The following URB2 variants were observed in gnomAD, a reference collection of about 807,000 sequenced individuals.
The protein encoded by URB2 is URB2 ribosome biogenesis homolog.
URB2 carries 86 observed loss-of-function variants against 120.9 expected under a neutral mutation model. The observed-to-expected ratio is 0.71, with a 90% CI of 0.60 to 0.85. URB2 has a LOEUF of 0.85. URB2 is among the 40% of genes least tolerant of loss of function. URB2 has a pLI of 0.00. For missense variants in URB2, 1,765 were observed against 1,836.5 expected (o/e 0.96, Z 0.71); for synonymous variants, 755 against 758.4 (o/e 1.00, Z 0.07).
At chr1:229,651,565 T>G (rs1039876846) in intron 8 of URB2, among the ~76,000 whole-genome samples, 1 of 152,140 alleles carries the variant, frequency 6.6e-6, no homozygotes, top group Non-Finnish European at 1.5e-5. Flanking sequence ...AAAAAAAATA[T>G]CAGATTTAGG....
At position 229,651,329 on chromosome 1, in the gene URB2, T is replaced by C; in HGVS notation, c.4237+7T>C. ...GGGCGGCAGAAGGACAAAGGTAATT[T>C]GGAGTAACATCAGACACAGTTTCAA... On this transcript the variant is annotated splice_region_variant and intron_variant, in intron 8 of 9. Transcript: ENST00000258243. The C allele has an allele frequency of 2.5e-6, 4 of 1,609,810 alleles. No homozygotes were observed. Among genetic ancestry groups the C allele is most frequent in the Non-Finnish European group, 2.5e-6 (3 of 1,178,058 alleles).
intron 2 of URB2, among the ~76,000 whole-genome samples, chr1:229,630,417 T>C (rs1157095160): frequency 6.6e-6 from 1 of 152,196 alleles, no homozygotes; most frequent in Non-Finnish European, 1.5e-5. Context: ...GTAATCTTCT[T>C]ATAGGAATCT....
At chr1:229,627,939 A>G (rs369374756) in intron 2 of URB2, among the ~76,000 whole-genome samples, 180 bp downstream of exon 2, 1 of 147,896 alleles carries the variant, frequency 6.8e-6, no homozygotes, top group African/African-American at 2.5e-5. Context: ...TCATTAATAC[A>G]TTTTTTTTTT....
intron 9 of URB2, 30 bp downstream of exon 9, chr1:229,654,418 G>C: frequency 3.1e-6 from 5 of 1,613,984 alleles, no homozygotes; most frequent in Non-Finnish European, 4.2e-6. Context: ...CTTTCACCAA[G>C]TACTGTGTTT....
chr1:229,653,535 T>G (rs1666331679), intron 8 of URB2, among the ~76,000 whole-genome samples: 2 of 152,226 alleles, frequency 1.3e-5, no homozygotes, highest in Non-Finnish European at 2.9e-5. Context: ...AAAATGTGCC[T>G]ACCATTGTGC....
chr1:229,646,084 G>A, intron 6 of URB2, 115 bp downstream of exon 6: 1 of 912,294 alleles, frequency 1.1e-6, no homozygotes, highest in Non-Finnish European at 1.7e-6. Context: ...CGTGTGTGTG[G>A]GCTACTTCCA....
At chr1:229,631,300 T>C (rs1285340802) in intron 2 of URB2, among the ~76,000 whole-genome samples, 1 of 127,912 alleles carries the variant, frequency 7.8e-6, no homozygotes, top group African/African-American at 2.6e-5. Flanking sequence ...ATTGGTTTGA[T>C]CTTCTATCCA....
chr1:229,626,917 A>C (rs949781675), intron 1 of URB2, among the ~76,000 whole-genome samples: 1 of 152,248 alleles, frequency 6.6e-6, no homozygotes, highest in African/African-American at 2.4e-5. Context: ...TTAATTTCTA[A>C]AATGAAAACG....
chr1:229,630,412 C>A (rs1665629022), intron 2 of URB2, among the ~76,000 whole-genome samples: 1 of 152,204 alleles, frequency 6.6e-6, no homozygotes, highest in African/African-American at 2.4e-5. Flanking sequence ...GAGCAGTAAT[C>A]TTCTTATAGG....
chr1:229,636,140 G>C lies in URB2; in HGVS notation c.1527G>C (p.Gln509His). ...GCCTCCTGGAGCTGCCTCCAAGTCA[G>C]ATCCTGGACACGTGGTCCCTTGTGC... ...SACLLELPPS[Q>H]ILDTWSLVLE... is the part of the protein sequence containing the mutation. Residue 509 changes from glutamine (Q) to histidine (H), a missense_variant, in exon 4 of 10, where the codon CAG becomes CAC. By Grantham distance (24) the Gln-to-His change is conservative. Transcript: ENST00000258243. 3 of 1,614,246 alleles carry C rather than the reference G, an allele frequency of 1.9e-6. No individual in the cohort carries two copies. Among genetic ancestry groups the C allele is most frequent in the Non-Finnish European group, 2.5e-6 (3 of 1,180,054 alleles).
In URB2 at chr1:229,659,362, G is replaced by A; in HGVS notation, c.*65G>A. On this transcript the variant is annotated 3_prime_UTR_variant, in exon 10 of 10. Coordinates refer to ENST00000258243, the MANE Select transcript of URB2 (RefSeq NM_014777.4). Reference sequence around the variant, plus strand: ...GGCTTTGGCTGCATGGTCTGAAAGAGCTGGAGAATGAAAGACTTAAGATGT... The same window carrying A: ...GGCTTTGGCTGCATGGTCTGAAAGAACTGGAGAATGAAAGACTTAAGATGT... 2 of 1,529,500 alleles carry A rather than the reference G, an allele frequency of 1.3e-6. No individual in the cohort carries two copies. The highest frequency in any genetic ancestry group is 1.8e-6 in the Non-Finnish European group (2 of 1,117,382). 94.7% of individuals were successfully genotyped at this position (1,529,500 alleles called of 1,614,324 possible).
intron 3 of URB2, among the ~76,000 whole-genome samples, chr1:229,633,209 G>T (rs1665714683): frequency 6.7e-6 from 1 of 149,650 alleles, no homozygotes; most frequent in South Asian, 2.1e-4. Flanking sequence ...GGGAACGAAG[G>T]TTGAGCTGCC....
At chr1:229,645,767 C>A in intron 5 of URB2, 92 bp from the exon 6 acceptor site, 1 of 1,125,804 alleles carries the variant, frequency 8.9e-7, no homozygotes. Context: ...ACTCCAACGC[C>A]ACAGCCCCAG....
At position 229,635,207 on chromosome 1, in the gene URB2, T is replaced by G. The variant is rs948735817; in HGVS notation, c.594T>G (p.Thr198=). 13 of 1,614,134 alleles carry G rather than the reference T, an allele frequency of 8.1e-6. No homozygotes were observed. The highest frequency in any genetic ancestry group is 1.1e-5 in the Non-Finnish European group (13 of 1,180,056). ...CAAGACGTGCCTTTGGGGATGTGAC[T>G]GCTCACCTGCTCCAGCCGTGCCTGG... is the stretch of plus-strand genomic sequence containing the variant. The part of the protein sequence containing the change: ...VNPRRAFGDV[T]AHLLQPCLVL... The change falls in exon 4 of 10, where the codon ACT becomes ACG. Residue 198 remains threonine, a synonymous_variant. Transcript: ENST00000258243.
intron 3 of URB2, among the ~76,000 whole-genome samples, chr1:229,633,956 C>G (rs1305103829): frequency 6.6e-6 from 1 of 151,856 alleles, no homozygotes; most frequent in East Asian, 1.9e-4. Flanking sequence ...CTCAGCCTCC[C>G]GAGTAGCTGG....
chr1:229,649,326 T>A (rs1400520307), intron 7 of URB2, among the ~76,000 whole-genome samples: 2 of 152,226 alleles, frequency 1.3e-5, no homozygotes, highest in East Asian at 3.8e-4. Context: ...CTTGTCAGCA[T>A]CTTTGTTTTA....
At position 229,647,535 on chromosome 1, in the gene URB2, A is replaced by T; in HGVS notation, c.3932A>T (p.Glu1311Val). The T allele has an allele frequency of 6.2e-7, 1 of 1,613,916 alleles. No homozygotes were observed. The highest frequency in any genetic ancestry group is 8.5e-7 in the Non-Finnish European group (1 of 1,179,896). The change falls in exon 7 of 10, where the codon GAG becomes GTG. Residue 1311 changes from glutamate (E) to valine (V), a missense_variant. Physicochemically the swap from Glu to Val is moderately radical, Grantham distance 121. Transcript: ENST00000258243. ...CTCTTAAACCGAGAAGCTTCTCAGGAGCAGCCTGTGTCCCTCACAGTGGTC... is the reference window on the plus strand; with the variant it reads ...CTCTTAAACCGAGAAGCTTCTCAGGTGCAGCCTGTGTCCCTCACAGTGGTC... ...LTLLNREASQ[E>V]QPVSLTVVGP...
chr1:229,657,709 T>C (rs949679558), intron 9 of URB2, among the ~76,000 whole-genome samples: 14 of 152,224 alleles, frequency 9.2e-5, no homozygotes, highest in Non-Finnish European at 2.1e-4. Context: ...TGAGTGTTGC[T>C]ATCATCTATA....
intron 2 of URB2, among the ~76,000 whole-genome samples, chr1:229,630,254 A>G (rs973764485): frequency 3.3e-5 from 5 of 152,234 alleles, no homozygotes; most frequent in Admixed American, 2.6e-4. Context: ...TGGCACCTAT[A>G]GCATTAGGAA....
Sources: gnomAD v4.1 joint callset for allele counts (sites outside exome capture counted in the v4.1 genomes callset) on GRCh38, gnomAD v4.1.1 for gene constraint, MANE v1.5 for transcripts, NCBI Gene and HGNC (gene_info 2026-07-23, HGNC 2026-07-21) for gene names.